The following RAPGEF1 variants were observed in gnomAD, a reference collection of about 807,000 sequenced individuals.
RAPGEF1 encodes the protein CRK SH3-binding GNRP.
RAPGEF1 carries 33 observed loss-of-function variants against 143.3 expected under a neutral mutation model. The ratio of observed to expected loss-of-function variants is 0.23; its 90% CI spans 0.17 to 0.31. The LOEUF is 0.31. Among genes scored for constraint, RAPGEF1 ranks in the 10% least tolerant of loss-of-function variants. RAPGEF1 has a pLI of 1.00. For missense variants in RAPGEF1, 1,199 were observed against 1,645.4 expected (o/e 0.73, Z 4.69); for synonymous variants, 629 against 676.5 (o/e 0.93, Z 1.09).
At chr9:131,604,843 C>T (rs774028150) in intron 13 of RAPGEF1, 88 bp downstream of exon 13, 25 of 1,212,418 alleles carry the variant, frequency 2.1e-5, no homozygotes, top group Non-Finnish European at 1.8e-5. Context: ...CTTTCAGGAA[C>T]GTGAAACCGC....
intron 1 of RAPGEF1, among the ~76,000 whole-genome samples, chr9:131,672,232 G>A (rs554176335): frequency 2.0e-5 from 3 of 152,264 alleles, no homozygotes; most frequent in Non-Finnish European, 4.4e-5. Context: ...TTTTGACCCC[G>A]GTAAGAAACG....
At chr9:131,649,031 TTTTA>T (rs1375116933) in intron 3 of RAPGEF1, among the ~76,000 whole-genome samples, 1 of 152,106 alleles carries the variant, frequency 6.6e-6, no homozygotes, top group African/African-American at 2.4e-5. Flanking sequence ...CTAAGTTTAG[TTTTA>T]TTTATTTATT....
chr9:131,626,484 T>TC lies in RAPGEF1; in HGVS notation c.1202-63dup, dbSNP rs1370556144. On this transcript the variant is annotated intron_variant, in intron 9 of 26. Transcript: ENST00000683357. The stretch of plus-strand genomic sequence containing the variant: ...CACAGGCCCTGCAGGAGCAGCCAGC[T>TC]CCCCCCGCCCGCCTCTCGCCGGCTC... The TC allele has an allele frequency of 6.1e-6, 9 of 1,464,858 alleles. No homozygotes were observed. In the East Asian group the frequency reaches 1.2e-4, roughly 19 times the overall value. 90.7% of individuals were successfully genotyped at this position (1,464,858 alleles called of 1,614,324 possible).
Position 131,587,035 on chromosome 9 carries a change from CACA to C in RAPGEF1, c.3233+698_3233+700del, listed in dbSNP as rs1564456267. 3.8e-4 allele frequency among the ~76,000 whole-genome samples: 48 copies of C among 124,918 alleles called. 1 individual carries two copies. The highest frequency in any genetic ancestry group is 1.1e-3 in the African/African-American group (32 of 30,476). 82.0% of individuals were successfully genotyped at this position (124,918 alleles called of 152,430 possible). On this transcript the variant is annotated intron_variant, in intron 22 of 26. Transcript: ENST00000683357. ...AAACACACACACACACACACACACA[CACA>C]CCCCTGCAGAGCGAGACTCCGTCTC... is the stretch of plus-strand genomic sequence containing the variant.
chr9:131,730,842 G>A (rs1837023671), intron 1 of RAPGEF1, among the ~76,000 whole-genome samples: 1 of 152,126 alleles, frequency 6.6e-6, no homozygotes, highest in Non-Finnish European at 1.5e-5. Flanking sequence ...CAGAAGCAAG[G>A]CTTCCGCAGC....
At chr9:131,688,229 G>A (rs1833507923) in intron 1 of RAPGEF1, among the ~76,000 whole-genome samples, 1 of 152,150 alleles carries the variant, frequency 6.6e-6, no homozygotes, top group South Asian at 2.1e-4. Context: ...CCCTTTAAAA[G>A]CCCCCAAATC....
rs1290560620 is a variant in RAPGEF1 at position 131,604,956 on chromosome 9, G to A, written c.2294C>T (p.Pro765Leu). 1.5e-6 allele frequency: 2 copies of A among 1,310,558 alleles called. No homozygotes were observed. Among genetic ancestry groups the A allele is most frequent in the Non-Finnish European group, 2.0e-6 (2 of 992,480 alleles). 81.2% of individuals were successfully genotyped at this position (1,310,558 alleles called of 1,614,324 possible). A position where few individuals can be genotyped will look rare whatever the true frequency, so the allele number is the denominator to read the frequency against. ...SSFHGNTVCLPSETSFTDSSE... is the reference protein window; with the variant it reads ...SSFHGNTVCLLSETSFTDSSE... ...CGAGTCAGTGAAAGAGGTTTCGGAAGGAAGGCAGACAGTATTCCCATGAAA... is the reference window on the plus strand; with the variant it reads ...CGAGTCAGTGAAAGAGGTTTCGGAAAGAAGGCAGACAGTATTCCCATGAAA... Residue 765 changes from proline to leucine, a missense_variant, in exon 13 of 27, where the codon CCT becomes CTT. Transcript: ENST00000683357.
At chr9:131,673,546 G>T (rs1831747262) in intron 1 of RAPGEF1, among the ~76,000 whole-genome samples, 1 of 152,214 alleles carries the variant, frequency 6.6e-6, no homozygotes, top group South Asian at 2.1e-4. Context: ...TTCTAAACAG[G>T]TAAACCAATT....
At chr9:131,671,380 T>C (rs1831363440) in intron 1 of RAPGEF1, among the ~76,000 whole-genome samples, 1 of 152,180 alleles carries the variant, frequency 6.6e-6, no homozygotes, top group Admixed American at 6.5e-5. Flanking sequence ...TCCAAGTCAG[T>C]TGTTGGAATC....
intron 25 of RAPGEF1, 108 bp from the exon 26 acceptor site, chr9:131,580,499 C>T: frequency 1.5e-6 from 2 of 1,310,516 alleles, no homozygotes; most frequent in South Asian, 1.4e-5. Context: ...TTCCAAACCC[C>T]AGAGCAAACC....
chr9:131,652,549 C>T (rs943727882), intron 1 of RAPGEF1, among the ~76,000 whole-genome samples: 1 of 151,652 alleles, frequency 6.6e-6, no homozygotes, highest in African/African-American at 2.4e-5. Flanking sequence ...ACTTTTAAAA[C>T]TTTTCATTAA....
At chr9:131,687,475 G>C (rs934384944) in intron 1 of RAPGEF1, among the ~76,000 whole-genome samples, 1 of 150,390 alleles carries the variant, frequency 6.6e-6, no homozygotes, top group Non-Finnish European at 1.5e-5. Flanking sequence ...GATTACAGGC[G>C]TGAGCCATCG....
chr9:131,622,840 T>C (rs1961613801), intron 10 of RAPGEF1, among the ~76,000 whole-genome samples: 1 of 151,694 alleles, frequency 6.6e-6, no homozygotes, highest in Non-Finnish European at 1.5e-5. Context: ...CAATCTCGGC[T>C]CACTGCAACC....
intron 5 of RAPGEF1, 58 bp downstream of exon 5, chr9:131,638,577 C>G: frequency 1.3e-6 from 2 of 1,589,900 alleles, no homozygotes; most frequent in Non-Finnish European, 1.7e-6. Context: ...GTGACAAGCA[C>G]CAGCAGGCAG....
chr9:131,608,633 C>A (rs7047867), intron 12 of RAPGEF1, among the ~76,000 whole-genome samples: 4 of 152,014 alleles, frequency 2.6e-5, no homozygotes, highest in Non-Finnish European at 5.9e-5. Context: ...TGTGAGCTCA[C>A]GTTCTGGTAT....
intron 1 of RAPGEF1, among the ~76,000 whole-genome samples, chr9:131,733,362 G>A (rs1192745699): frequency 1.4e-5 from 1 of 70,868 alleles, no homozygotes; most frequent in Non-Finnish European, 3.5e-5. Flanking sequence ...GCCGGGGCGG[G>A]GGCGGGGGGG....
At chr9:131,586,398 TCAAACACACA>T (rs1186279096) in intron 22 of RAPGEF1, among the ~76,000 whole-genome samples, 3 of 15,608 alleles carry the variant, frequency 1.9e-4, no homozygotes, top group Non-Finnish European at 3.7e-4. Context: ...AGACTCCGTC[TCAAACACACA>T]CACACACACA....
chr9:131,708,976 G>A (rs892722875), intron 1 of RAPGEF1, among the ~76,000 whole-genome samples: 4 of 152,266 alleles, frequency 2.6e-5, no homozygotes, highest in Admixed American at 2.6e-4. Flanking sequence ...CAAGTGATCC[G>A]CCTACCTTGG....
At chr9:131,676,040 T>C (rs1288565134) in intron 1 of RAPGEF1, among the ~76,000 whole-genome samples, 1 of 152,100 alleles carries the variant, frequency 6.6e-6, no homozygotes, top group Admixed American at 6.6e-5. Flanking sequence ...GTGCTGGGAT[T>C]ATAGGCTGGC....
Sources: allele counts gnomAD v4.1 joint callset (sites outside exome capture counted in the v4.1 genomes callset), GRCh38; gene constraint gnomAD v4.1.1; transcripts MANE v1.5; gene names NCBI Gene and HGNC (gene_info 2026-07-23, HGNC 2026-07-21).